Variants in ITPR2 observed in about 807,000 individuals in gnomAD.
ITPR2 encodes the protein inositol 1,4,5-trisphosphate receptor type 2.
In ITPR2, 207 loss-of-function variants were observed where a neutral mutation model predicts 317.1. That is an observed-to-expected ratio of 0.65 (90% CI 0.58 to 0.73). The LOEUF is 0.73. Among genes scored for constraint, ITPR2 ranks in the 30% least tolerant of loss-of-function variants. The pLI is 0.00. For synonymous variants in ITPR2, 1,156 were observed against 1,149.1 expected (o/e 1.01, Z -0.12); for missense variants, 2,613 against 3,284.0 (o/e 0.80, Z 4.99).
chr12:26,805,078 T>C (rs1375568852), intron 1 of ITPR2, among the ~76,000 whole-genome samples: 3 of 152,152 alleles, frequency 2.0e-5, no homozygotes, highest in Admixed American at 6.5e-5. Flanking sequence ...ACAGTGATCA[T>C]GACCACAAAT....
intron 54 of ITPR2, among the ~76,000 whole-genome samples, chr12:26,395,781 C>T (rs905940461): frequency 6.6e-6 from 1 of 152,188 alleles, no homozygotes; most frequent in African/African-American, 2.4e-5. Flanking sequence ...GAACCTGTCA[C>T]TTTGTCATTT....
intron 1 of ITPR2, among the ~76,000 whole-genome samples, chr12:26,808,010 T>G (rs964996500): frequency 2.6e-5 from 4 of 152,218 alleles, no homozygotes; most frequent in African/African-American, 9.6e-5. Flanking sequence ...GAACAAGTAC[T>G]TAACCCAAGC....
chr12:26,737,252 G>GTTTC (rs967237877), intron 2 of ITPR2, among the ~76,000 whole-genome samples: 1 of 149,800 alleles, frequency 6.7e-6, no homozygotes, highest in Non-Finnish European at 1.5e-5. Flanking sequence ...TTTCCTTTTC[G>GTTTC]TTTCTTTCTT....
intron 5 of ITPR2, 67 bp downstream of exon 5, chr12:26,722,330 A>G: frequency 3.6e-6 from 5 of 1,384,076 alleles, no homozygotes; most frequent in Non-Finnish European, 4.9e-6. Context: ...TTTCTGGATT[A>G]TCTTACTTAT....
At chr12:26,621,700 T>C (rs1946500161) in intron 25 of ITPR2, among the ~76,000 whole-genome samples, 1 of 152,206 alleles carries the variant, frequency 6.6e-6, no homozygotes, top group African/African-American at 2.4e-5. Flanking sequence ...TCTTTTAACA[T>C]ATTCCTGTAA....
At chr12:26,376,467 C>A (rs1316862113) in intron 55 of ITPR2, among the ~76,000 whole-genome samples, 1 of 152,146 alleles carries the variant, frequency 6.6e-6, no homozygotes, top group Admixed American at 6.5e-5. Flanking sequence ...GCCATCATTT[C>A]TTTTCAATTT....
chr12:26,603,888 A>G (rs1284414616), intron 26 of ITPR2, among the ~76,000 whole-genome samples: 2 of 152,144 alleles, frequency 1.3e-5, no homozygotes, highest in Non-Finnish European at 2.9e-5. Flanking sequence ...GTGGGGTCTG[A>G]TGGCCTCCCT....
intron 42 of ITPR2, among the ~76,000 whole-genome samples, chr12:26,483,009 TG>T (rs2136839277): frequency 6.6e-6 from 1 of 152,342 alleles, no homozygotes; most frequent in African/African-American, 2.4e-5. Flanking sequence ...AACAGTCAAC[TG>T]GCAAACTTTC....
chr12:26,649,551 AAC>A (rs1283172408), intron 21 of ITPR2: 1 of 152,086 alleles, frequency 6.6e-6, no homozygotes, highest in Non-Finnish European at 1.5e-5. Context: ...TTTAATCTGA[AAC>A]AGTTTCTCAG....
chr12:26,556,171 G>A lies in ITPR2; in HGVS notation c.4964+62C>T, dbSNP rs1258844585. ...TTTTATATCAGTGAAGTATAAAGCG[G>A]AAATGTTAGAGGCCATGTCAGTTTG... On this transcript the variant is annotated intron_variant, in intron 36 of 56. Coordinates refer to ENST00000381340, the MANE Select transcript of ITPR2 (RefSeq NM_002223.4). 36 of 1,550,648 alleles carry A rather than the reference G, an allele frequency of 2.3e-5. No individual in the cohort carries two copies. The East Asian group carries it at 8.0e-4, about 35-fold the overall frequency.
At chr12:26,594,463 C>T (rs1025724580) in intron 32 of ITPR2, among the ~76,000 whole-genome samples, 2 of 151,956 alleles carry the variant, frequency 1.3e-5, no homozygotes, top group Admixed American at 1.3e-4. Flanking sequence ...TAACAGATAA[C>T]AGCATCTGTT....
chr12:26,589,403 G>A (rs1182442918), intron 32 of ITPR2, among the ~76,000 whole-genome samples: 1 of 152,094 alleles, frequency 6.6e-6, no homozygotes, highest in Non-Finnish European at 1.5e-5. Flanking sequence ...GACCCTGGTA[G>A]TGCTGACTCC....
At chr12:26,640,483 CA>C (rs1265497932) in intron 21 of ITPR2, among the ~76,000 whole-genome samples, 2 of 151,968 alleles carry the variant, frequency 1.3e-5, no homozygotes, top group Non-Finnish European at 2.9e-5. Context: ...TCATTTCACT[CA>C]ATAAATATTT....
At chr12:26,573,386 T>C (rs1012795961) in intron 34 of ITPR2, among the ~76,000 whole-genome samples, 3 of 152,210 alleles carry the variant, frequency 2.0e-5, no homozygotes, top group African/African-American at 7.2e-5. Context: ...ATCTGCTTAG[T>C]CAAGAACAAA....
intron 37 of ITPR2, 134 bp downstream of exon 37, chr12:26,550,108 AATTAT>A (rs1944486729): frequency 2.3e-6 from 1 of 439,046 alleles, no homozygotes; most frequent in Non-Finnish European, 3.9e-6. Flanking sequence ...TAAAAACTCA[AATTAT>A]ATAATTCATC....
intron 34 of ITPR2, among the ~76,000 whole-genome samples, chr12:26,565,539 CAGATAGAT>C (rs1555157017): frequency 1.6e-4 from 24 of 151,344 alleles, no homozygotes; most frequent in East Asian, 3.9e-4. Context: ...GACAGACAGA[CAGATAGAT>C]AGATAATCTG....
At chr12:26,721,684 C>T (rs1365411801) in intron 5 of ITPR2, among the ~76,000 whole-genome samples, 1 of 152,058 alleles carries the variant, frequency 6.6e-6, no homozygotes, top group African/African-American at 2.4e-5. Flanking sequence ...ATCCTATTGA[C>T]TATTTCTCAT....
chr12:26,391,862 G>A (rs1399259865), intron 54 of ITPR2, among the ~76,000 whole-genome samples: 4 of 151,822 alleles, frequency 2.6e-5, no homozygotes, highest in Non-Finnish European at 5.9e-5. Context: ...CACCGTGCCC[G>A]GCCTATTCTG....
At chr12:26,596,203 G>C (rs1029408902) in intron 31 of ITPR2, among the ~76,000 whole-genome samples, 21 of 152,162 alleles carry the variant, frequency 1.4e-4, no homozygotes, top group South Asian at 6.2e-4. Context: ...CCAATCAATG[G>C]TTATGAATAA....
Sources: allele counts gnomAD v4.1 joint callset (sites outside exome capture counted in the v4.1 genomes callset), GRCh38; gene constraint gnomAD v4.1.1; transcripts MANE v1.5; gene names NCBI Gene and HGNC (gene_info 2026-07-23, HGNC 2026-07-21).